Variants in SCN4A observed in about 807,000 individuals in gnomAD.
The protein encoded by SCN4A is sodium channel protein type 4 subunit alpha.
SCN4A carries 83 observed loss-of-function variants against 162.0 expected under a neutral mutation model. That is an observed-to-expected ratio of 0.51 (90% CI 0.43 to 0.61). The LOEUF (loss-of-function observed/expected upper bound fraction) is 0.61, where lower values mean the gene tolerates loss of function less well. SCN4A is among the 20% of genes least tolerant of loss of function. The probability of loss-of-function intolerance (pLI) is 0.00; values close to 1 mark genes in which losing one functional copy is unlikely to be tolerated. For missense variants in SCN4A, 2,196 were observed against 2,462.5 expected (o/e 0.89, Z 2.29); for synonymous variants, 944 against 985.1 (o/e 0.96, Z 0.78).
chr17:63,944,998 C>T lies in SCN4A; in HGVS notation c.3774+9G>A, dbSNP rs370756492. 1.6e-5 allele frequency: 26 copies of T among 1,613,478 alleles called. No individual in the cohort carries two copies. The highest frequency in any genetic ancestry group is 2.1e-5 in the Non-Finnish European group (25 of 1,179,624). Reference sequence around the variant, plus strand: ...GCTCACCAGCCACATCTCAGCGACCCCGACTCACCTCCCGGGAGTCCACGG... The same window carrying T: ...GCTCACCAGCCACATCTCAGCGACCTCGACTCACCTCCCGGGAGTCCACGG... On this transcript the variant is annotated intron_variant, in intron 20 of 23. Coordinates refer to ENST00000435607, the MANE Select transcript of SCN4A (RefSeq NM_000334.4). The surrounding 1 kb of genome is among the most constrained non-coding windows in gnomAD (Gnocchi z 4.3).
At position 63,941,002 on chromosome 17, in the gene SCN4A, G is replaced by C. The variant is rs1473905644; in HGVS notation, c.5280C>G (p.Gly1760=). Residue 1760 remains glycine, a synonymous_variant, in exon 24 of 24, where the codon GGC becomes GGG. Coordinates refer to ENST00000435607, the MANE Select transcript of SCN4A (RefSeq NM_000334.4). This position sits in a 1 kb window ranked among gnomAD's most constrained non-coding sequence, Gnocchi z 6.2. ...ASYMYRHSHD[G]SGDDAPEKEG... Reference sequence around the variant, plus strand: ...CCTTCTCAGGGGCGTCATCCCCGCTGCCGTCGTGGCTGTGGCGGTACATGT... The same window carrying C: ...CCTTCTCAGGGGCGTCATCCCCGCTCCCGTCGTGGCTGTGGCGGTACATGT... The C allele has an allele frequency of 6.2e-7, 1 of 1,613,464 alleles. No individual in the cohort carries two copies. Among genetic ancestry groups the C allele is most frequent in the Non-Finnish European group, 8.5e-7 (1 of 1,179,418 alleles).
Position 63,972,524 on chromosome 17 carries a change from T to C in SCN4A, c.273+45A>G, listed in dbSNP as rs1909646006. ...AGGGACAGACAGACAGGCAGACAGA[T>C]GGATGGATGGCAGACAGACAGAGGA... On this transcript the variant is annotated intron_variant, in intron 1 of 23. Coordinates refer to ENST00000435607, the MANE Select transcript of SCN4A (RefSeq NM_000334.4). The surrounding 1 kb of genome is among the most constrained non-coding windows in gnomAD (Gnocchi z 4.3). The C allele has an allele frequency of 6.2e-7, 1 of 1,602,254 alleles. No homozygotes were observed. Among genetic ancestry groups the C allele is most frequent in the Admixed American group, 1.7e-5 (1 of 57,630 alleles).
In SCN4A at chr17:63,950,734, GTCAGCC is replaced by G. The variant is rs1311338458; in HGVS notation, c.2853+684_2853+689del. On this transcript the variant is annotated intron_variant, in intron 14 of 23. Coordinates refer to ENST00000435607, the MANE Select transcript of SCN4A (RefSeq NM_000334.4). The surrounding 1 kb of genome is among the most constrained non-coding windows in gnomAD (Gnocchi z 4.6). The stretch of plus-strand genomic sequence containing the variant: ...GAAGGGGGCTCAAGACCCAGGCAGG[GTCAGCC>G]TCAGCCTCAGCCTCAGCTGCTGGGG... Among the ~76,000 whole-genome samples the G allele has an allele frequency of 1.6e-4, 24 of 152,220 alleles. No individual in the cohort carries two copies. Among genetic ancestry groups the G allele is most frequent in the Admixed American group, 1.4e-3 (22 of 15,282 alleles).
intron 3 of SCN4A, 142 bp from the exon 4 acceptor site, chr17:63,971,992 C>A: frequency 9.3e-7 from 1 of 1,071,070 alleles, no homozygotes. Flanking sequence ...GATAGCATGG[C>A]CACCCCAGGG....
chr17:63,948,220 A>G (rs1211206623), intron 16 of SCN4A, among the ~76,000 whole-genome samples, 157 bp from the exon 17 acceptor site: 1 of 152,016 alleles, frequency 6.6e-6, no homozygotes, highest in Non-Finnish European at 1.5e-5. Context: ...CCCACCACCC[A>G]TCATGGGGAT....
intron 13 of SCN4A, among the ~76,000 whole-genome samples, chr17:63,952,759 C>G (rs553728986): frequency 3.3e-5 from 5 of 152,286 alleles, no homozygotes; most frequent in African/African-American, 1.2e-4. Context: ...CTGCTCCCCC[C>G]CAGCACCCCC....
Position 63,972,594 on chromosome 17 carries a change from A to G in SCN4A, c.248T>C (p.Leu83Pro), listed in dbSNP as rs147352060. The G allele has an allele frequency of 2.6e-4, 409 of 1,597,832 alleles. 4 individuals are homozygous for G. The African/African-American group carries it at 4.8e-3, about 19-fold the overall frequency. ...PEVIGIPLED[L>P]DPYYSNKKTF... The stretch of plus-strand genomic sequence containing the variant: ...CTTCTTATTGCTGTAGTAGGGATCC[A>G]GGTCCTCCAGGGGGATGCCGATGAC... The change falls in exon 1 of 24, where the codon CTG (leucine) becomes CCG (proline). Residue 83 changes from leucine (L) to proline (P), a missense_variant. Physicochemically the swap from Leu to Pro is moderately conservative, Grantham distance 98 (BLOSUM62 -3). Coordinates refer to ENST00000435607, the MANE Select transcript of SCN4A (RefSeq NM_000334.4). This position sits in a 1 kb window ranked among gnomAD's most constrained non-coding sequence, Gnocchi z 4.3.
chr17:63,947,811 C>T (rs1273717745), intron 17 of SCN4A, 79 bp downstream of exon 17: 30 of 1,469,290 alleles, frequency 2.0e-5, no homozygotes, highest in Admixed American at 6.2e-5. Flanking sequence ...TCCTGCCCTT[C>T]AGGGCGTGGG....
Position 63,951,776 on chromosome 17 carries a change from C to T in SCN4A, c.2501G>A (p.Gly834Asp). 1 of 1,584,658 alleles carries T rather than the reference C, an allele frequency of 6.3e-7. No homozygotes were observed. Among genetic ancestry groups the T allele is most frequent in the Non-Finnish European group, 8.6e-7 (1 of 1,165,284 alleles). The part of the protein sequence containing the change: ...IAIGRIKLGI[G>D]FAKAFLLGLL... ...CCCCAGGAGGAAGGCCTTGGCAAAG[C>T]CGATGCCCAACTTGATGCGCCCGAT... Residue 834 changes from glycine to aspartate, a missense_variant, in exon 14 of 24, where the codon GGC (glycine) becomes GAC (aspartate). Physicochemically the swap from Gly to Asp is moderately conservative, Grantham distance 94. Transcript: ENST00000435607. The surrounding 1 kb of genome is among the most constrained non-coding windows in gnomAD (Gnocchi z 4.5).
In SCN4A at chr17:63,947,990, G is replaced by T. The variant is rs756973068; in HGVS notation, c.3218C>A (p.Thr1073Asn). ...TILEYADKVF[T>N]YIFIMEMLLK... ...CAGCATCTCCATGATGAAGATGTAGGTGAAGACCTTGTCGGCATATTCTAG... is the reference window on the plus strand; with the variant it reads ...CAGCATCTCCATGATGAAGATGTAGTTGAAGACCTTGTCGGCATATTCTAG... The change falls in exon 17 of 24, where the codon ACC (threonine) becomes AAC (asparagine). Residue 1073 changes from threonine to asparagine, a missense_variant. Thr to Asn is a moderately conservative substitution (Grantham distance 65, BLOSUM62 0). Coordinates refer to ENST00000435607, the MANE Select transcript of SCN4A (RefSeq NM_000334.4). 1 of 1,613,954 alleles carries T rather than the reference G, an allele frequency of 6.2e-7. No individual in the cohort carries two copies. The highest frequency in any genetic ancestry group is 8.5e-7 in the Non-Finnish European group (1 of 1,179,860).
At chr17:63,969,604 G>C (rs1198997606) in intron 5 of SCN4A, among the ~76,000 whole-genome samples, 2 of 152,164 alleles carry the variant, frequency 1.3e-5, no homozygotes, top group African/African-American at 4.8e-5. Context: ...CTTTAGACTA[G>C]AAGATAGCTC....
Position 63,939,821 on chromosome 17 carries a change from G to A in SCN4A, c.*950C>T, listed in dbSNP as rs1908462522. On this transcript the variant is annotated 3_prime_UTR_variant, in exon 24 of 24. Coordinates refer to ENST00000435607, the MANE Select transcript of SCN4A (RefSeq NM_000334.4). ...TGGGGAGATGAGAAGGGAGATCTCT[G>A]AGGCTGGATGAGGCTCCTGGAGCCC... 1 of 152,280 alleles carries A rather than the reference G, an allele frequency of 6.6e-6. No individual in the cohort carries two copies. The highest frequency in any genetic ancestry group is 1.5e-5 in the Non-Finnish European group (1 of 68,090). 9.4% of individuals were successfully genotyped at this position (152,280 alleles called of 1,614,324 possible).
Position 63,948,047 on chromosome 17 carries a change from T to C in SCN4A, c.3161A>G (p.Tyr1054Cys), listed in dbSNP as rs1567819188. Residue 1054 changes from tyrosine (Y) to cysteine (C), a missense_variant, in exon 17 of 24, where the codon TAC becomes TGC. Physicochemically the swap from Tyr to Cys is radical, Grantham distance 194 (BLOSUM62 -2). Coordinates refer to ENST00000435607, the MANE Select transcript of SCN4A (RefSeq NM_000334.4). ...SSGALAFEDI[Y>C]IEQRRVIRTI... is the part of the protein sequence containing the mutation. ...GCGAATGACTCGCCGCTGCTCAATG[T>C]AGATGTCCTCGAAGGCCTGGGGGCA... The C allele has an allele frequency of 1.6e-5, 26 of 1,605,290 alleles. No individual in the cohort carries two copies. The highest frequency in any genetic ancestry group is 2.2e-5 in the Non-Finnish European group (26 of 1,173,234).
rs529927463 is a variant in SCN4A, at chr17:63,949,537, G to A, written c.2854-9C>T. On this transcript the variant is annotated splice_polypyrimidine_tract_variant and intron_variant, in intron 14 of 23. Coordinates refer to ENST00000435607, the MANE Select transcript of SCN4A (RefSeq NM_000334.4). ...AGAGGCTGCGGCGGCTTCTGCGGAG[G>A]CCACAGGGTCACATGACATCTGGGT... The A allele has an allele frequency of 3.1e-6, 5 of 1,599,884 alleles. No homozygotes were observed. Among genetic ancestry groups the A allele is most frequent in the Non-Finnish European group, 4.3e-6 (5 of 1,170,538 alleles).
intron 6 of SCN4A, among the ~76,000 whole-genome samples, chr17:63,966,792 C>G (rs1909461645): frequency 6.6e-6 from 1 of 152,218 alleles, no homozygotes; most frequent in African/African-American, 2.4e-5. Context: ...AGTCATGACG[C>G]AGCAGTGGCA....
At chr17:63,948,217 C>G (rs1443692894) in intron 16 of SCN4A, among the ~76,000 whole-genome samples, 154 bp from the exon 17 acceptor site, 1 of 152,130 alleles carries the variant, frequency 6.6e-6, no homozygotes, top group Non-Finnish European at 1.5e-5. Flanking sequence ...ACTCCCACCA[C>G]CCATCATGGG....
intron 23 of SCN4A, 151 bp downstream of exon 23, chr17:63,942,675 C>T (rs1908580405): frequency 1.3e-6 from 1 of 791,064 alleles, no homozygotes; most frequent in Non-Finnish European, 2.0e-6. Flanking sequence ...CACCATGTGC[C>T]TTTGTGCATT....
At position 63,968,189 on chromosome 17, in the gene SCN4A, G is replaced by T. The variant is rs748194249; in HGVS notation, c.870C>A (p.Thr290=). 9 of 1,613,990 alleles carry T rather than the reference G, an allele frequency of 5.6e-6. No individual in the cohort carries two copies. In the East Asian group the frequency reaches 2.0e-4, roughly 36 times the overall value. Residue 290 remains threonine (T), a synonymous_variant, in exon 6 of 24, where the codon ACC becomes ACA. Coordinates refer to ENST00000435607, the MANE Select transcript of SCN4A (RefSeq NM_000334.4). ...CVRWPPPFND[T]NTTWYSNDTW... ...TGTCATTGCTGTACCACGTGGTGTTGGTGTCGTTGAACGGCGGGGGCCAGC... is the reference window on the plus strand; with the variant it reads ...TGTCATTGCTGTACCACGTGGTGTTTGTGTCGTTGAACGGCGGGGGCCAGC...
chr17:63,953,163 A>G (rs1281631407), intron 13 of SCN4A, among the ~76,000 whole-genome samples: 1 of 152,158 alleles, frequency 6.6e-6, no homozygotes, highest in Non-Finnish European at 1.5e-5. Context: ...GATCAAGACA[A>G]TCCTGGCTAA....
Sources: allele counts gnomAD v4.1 joint callset (sites outside exome capture counted in the v4.1 genomes callset), GRCh38; gene constraint gnomAD v4.1.1; non-coding constraint Gnocchi (gnomAD v3.1); transcripts MANE v1.5; gene names NCBI Gene and HGNC (gene_info 2026-07-23, HGNC 2026-07-21).